Variants in ADGRG7 observed in about 807,000 individuals in gnomAD.
ADGRG7 encodes G-protein coupled receptor 128.
A neutral mutation model predicts 88.6 loss-of-function variants in ADGRG7; 82 were observed. The ratio of observed to expected loss-of-function variants is 0.93; its 90% confidence interval spans 0.77 to 1.11. The LOEUF is 1.11. Ranked by LOEUF, ADGRG7 falls within the 50% of genes most tolerant of loss-of-function variation. The probability of loss-of-function intolerance (pLI) is 0.00; values close to 1 mark genes in which losing one functional copy is unlikely to be tolerated. For missense variants in ADGRG7, 945 were observed against 953.4 expected, an observed-to-expected ratio of 0.99 and a Z score of 0.12; for synonymous variants, 381 against 345.2, an observed-to-expected ratio of 1.10 and a Z score of -1.15.
At chr3:100,676,877 A>G (rs1487706284) in intron 15 of ADGRG7, among the ~76,000 whole-genome samples, 2 of 151,562 alleles carry the variant, frequency 1.3e-5, no homozygotes, top group Non-Finnish European at 3.0e-5. Context: ...TTCTTTTTAT[A>G]GTTTTTGTCT....
At chr3:100,619,308 C>G (rs1707274264) in intron 1 of ADGRG7, among the ~76,000 whole-genome samples, 2 of 152,168 alleles carry the variant, frequency 1.3e-5, no homozygotes, top group East Asian at 3.9e-4. Flanking sequence ...TGAATGAATA[C>G]TGGGTAAATA....
intron 8 of ADGRG7, among the ~76,000 whole-genome samples, chr3:100,644,030 C>T (rs1216860112): frequency 6.6e-6 from 1 of 152,160 alleles, no homozygotes; most frequent in Non-Finnish European, 1.5e-5. Flanking sequence ...AGACCTAACC[C>T]TGGAGAAGTC....
chr3:100,674,396 T>G (rs564302006), intron 15 of ADGRG7, among the ~76,000 whole-genome samples: 1 of 152,316 alleles, frequency 6.6e-6, no homozygotes, highest in South Asian at 2.1e-4. Context: ...TGGACAGTTT[T>G]AAAATATTGA....
At chr3:100,640,830 C>T (rs1707630947) in intron 6 of ADGRG7, among the ~76,000 whole-genome samples, 1 of 152,078 alleles carries the variant, frequency 6.6e-6, no homozygotes, top group Non-Finnish European at 1.5e-5. Flanking sequence ...CTGACCTCAC[C>T]ATTGTAGACA....
At chr3:100,694,123 G>A (rs1355761901) in intron 15 of ADGRG7, among the ~76,000 whole-genome samples, 3 of 152,290 alleles carry the variant, frequency 2.0e-5, no homozygotes, top group South Asian at 2.1e-4. Context: ...GTTGATGTGA[G>A]GATTACATGA....
At chr3:100,646,228 G>GTGGGT in intron 9 of ADGRG7, 120 bp downstream of exon 9, 1 of 199,624 alleles carries the variant, frequency 5.0e-6, no homozygotes, top group Non-Finnish European at 9.9e-6. Context: ...GGGGGGGAGG[G>GTGGGT]TTTTCCATGA....
Position 100,681,447 on chromosome 3 carries a change from A to AT in ADGRG7, c.2136+12344dup, listed in dbSNP as rs1438961286. On this transcript the variant is annotated intron_variant, in intron 15 of 15. Transcript: ENST00000273352. ...TGCTTCAGTGTCCTGAGTACCTGGG[A>AT]TTACAGGCATGTGCCACCATGTCAG... Among the ~76,000 whole-genome samples the AT allele has an allele frequency of 3.3e-5, 5 of 151,834 alleles. 1 individual carries two copies. The highest frequency in any genetic ancestry group is 1.2e-4 in the African/African-American group (5 of 41,300).
intron 6 of ADGRG7, 97 bp from the exon 7 acceptor site, chr3:100,643,169 C>T: frequency 9.2e-7 from 1 of 1,084,848 alleles, no homozygotes; most frequent in Non-Finnish European, 1.3e-6. Flanking sequence ...CCACACAATT[C>T]TATGCTCATG....
intron 14 of ADGRG7, among the ~76,000 whole-genome samples, chr3:100,664,862 T>C (rs1210123173): frequency 6.6e-6 from 1 of 152,224 alleles, no homozygotes; most frequent in Admixed American, 6.5e-5. Flanking sequence ...AAGGAAACAC[T>C]GTACAAAGTT....
rs1280761380 is a variant in ADGRG7 at position 100,638,219 on chromosome 3, T to C, written c.698+817T>C. Among the ~76,000 whole-genome samples, 6 of 152,320 alleles carry C rather than the reference T, an allele frequency of 3.9e-5. No homozygotes were observed. In the East Asian group the frequency reaches 1.2e-3, roughly 29 times the overall value. Reference sequence around the variant, plus strand: ...GCACTTGGTGGGTCCCAAATTCTTGTCCAGTGCCCAAGAAGAATTAGGTCA... The same window carrying C: ...GCACTTGGTGGGTCCCAAATTCTTGCCCAGTGCCCAAGAAGAATTAGGTCA... On this transcript the variant is annotated intron_variant, in intron 6 of 15. Coordinates refer to ENST00000273352, the MANE Select transcript of ADGRG7 (RefSeq NM_032787.3).
chr3:100,619,464 T>TAA (rs1221294984), intron 1 of ADGRG7, among the ~76,000 whole-genome samples: 3 of 151,846 alleles, frequency 2.0e-5, no homozygotes, highest in Admixed American at 1.3e-4. Flanking sequence ...AGGAAAGATC[T>TAA]AAAATTGACA....
intron 14 of ADGRG7, among the ~76,000 whole-genome samples, chr3:100,667,334 C>T (rs1264149115): frequency 1.3e-5 from 2 of 152,160 alleles, no homozygotes; most frequent in Non-Finnish European, 2.9e-5. Flanking sequence ...CCCCTAGCCC[C>T]CACCACTGAC....
At position 100,633,266 on chromosome 3, in the gene ADGRG7, G is replaced by T; in HGVS notation, c.336G>T (p.Ala112=). 1 of 1,430,346 alleles carries T rather than the reference G, an allele frequency of 7.0e-7. No homozygotes were observed. Among genetic ancestry groups the T allele is most frequent in the Non-Finnish European group, 9.2e-7 (1 of 1,085,254 alleles). 88.6% of individuals were successfully genotyped at this position (1,430,346 alleles called of 1,614,324 possible). A position where few individuals can be genotyped will look rare whatever the true frequency, so the allele number is the denominator to read the frequency against. The change falls in exon 4 of 16, where the codon GCG becomes GCT. Residue 112 remains alanine (A), a splice_region_variant and synonymous_variant. Transcript: ENST00000273352. ...LQTCGKDTPN[A]GNPMAVRLCS... ...ATAAAAAATTTCTTTGTATTAAAGC[G>T]GGCAATCCAATGGCAGTCCGGTTGT...
chr3:100,681,547 G>A (rs2094973401), intron 15 of ADGRG7, among the ~76,000 whole-genome samples: 1 of 152,082 alleles, frequency 6.6e-6, no homozygotes, highest in Non-Finnish European at 1.5e-5. Flanking sequence ...CTGACCTCAA[G>A]TGATCCACCC....
intron 15 of ADGRG7, among the ~76,000 whole-genome samples, chr3:100,688,746 T>C (rs1220511267): frequency 3.3e-5 from 5 of 152,176 alleles, no homozygotes; most frequent in African/African-American, 1.2e-4. Flanking sequence ...GACAGACAGT[T>C]TGTTATAATT....
At chr3:100,654,656 G>A (rs984077891) in intron 11 of ADGRG7, 179 bp from the exon 12 acceptor site, 2 of 523,872 alleles carry the variant, frequency 3.8e-6, no homozygotes, top group East Asian at 3.1e-5. Context: ...AATGATAAGA[G>A]GAAAGTATAG....
rs1355654577 is a variant in ADGRG7 at position 100,668,996 on chromosome 3, T to C, written c.2027T>C (p.Val676Ala). 4 of 1,606,402 alleles carry C rather than the reference T, an allele frequency of 2.5e-6. No individual in the cohort carries two copies. The highest frequency in any genetic ancestry group is 1.7e-5 in the Admixed American group (1 of 58,824). The part of the protein sequence containing the change: ...SMKKIVSTLS[V>A]AVVFGITWIL... ...AAGAAGATTGTTAGCACATTATCTGTTGCAGTTGTTTTTGGAATTACCTGG... is the reference window on the plus strand; with the variant it reads ...AAGAAGATTGTTAGCACATTATCTGCTGCAGTTGTTTTTGGAATTACCTGG... Residue 676 changes from valine (V) to alanine (A), a missense_variant, in exon 15 of 16, where the codon GTT becomes GCT. By Grantham distance (64) the Val-to-Ala change is moderately conservative (BLOSUM62 0). Coordinates refer to ENST00000273352, the MANE Select transcript of ADGRG7 (RefSeq NM_032787.3).
intron 15 of ADGRG7, among the ~76,000 whole-genome samples, chr3:100,693,443 G>A (rs1334670540): frequency 6.6e-6 from 1 of 152,228 alleles, no homozygotes; most frequent in Non-Finnish European, 1.5e-5. Flanking sequence ...ACCACCTGTT[G>A]AGTAATAATC....
At chr3:100,659,981 C>G in intron 14 of ADGRG7, 138 bp downstream of exon 14, 1 of 735,164 alleles carries the variant, frequency 1.4e-6, no homozygotes, top group Non-Finnish European at 2.2e-6. Context: ...AGAGATTTTT[C>G]TCTTACACTT....
Sources: allele counts gnomAD v4.1 joint callset (sites outside exome capture counted in the v4.1 genomes callset), GRCh38; gene constraint gnomAD v4.1.1; transcripts MANE v1.5; gene names NCBI Gene and HGNC (gene_info 2026-07-23, HGNC 2026-07-21).